Variants in ADAM18 observed in about 807,000 individuals in gnomAD.
ADAM18 encodes the protein disintegrin and metalloproteinase domain-containing protein 18.
A neutral mutation model predicts 94.4 loss-of-function variants in ADAM18; 117 were observed. The observed-to-expected ratio is 1.24, with a 90% CI of 1.07 to 1.45. The LOEUF (loss-of-function observed/expected upper bound fraction) is 1.45, where lower values mean the gene tolerates loss of function less well. Among genes scored for constraint, ADAM18 ranks in the 40% most tolerant of loss-of-function variants. ADAM18 has a pLI of 0.00. For synonymous variants in ADAM18, 327 were observed against 291.6 expected, an observed-to-expected ratio of 1.12 and a Z score of -1.24; for missense variants, 936 against 880.0, an observed-to-expected ratio of 1.06 and a Z score of -0.81.
intron 13 of ADAM18, among the ~76,000 whole-genome samples, chr8:39,664,487 C>T (rs1343359594): frequency 6.6e-6 from 1 of 152,052 alleles, no homozygotes; most frequent in African/African-American, 2.4e-5. Context: ...TGATTCTATT[C>T]TTTAGTGTTA....
chr8:39,604,484 T>C (rs375601161), intron 2 of ADAM18: 1 of 152,192 alleles, frequency 6.6e-6, no homozygotes, highest in Admixed American at 6.5e-5. Flanking sequence ...AGGTGAGGTC[T>C]GGTGAGAGGT....
intron 2 of ADAM18, 53 bp from the exon 3 acceptor site, chr8:39,606,254 T>C: frequency 1.0e-6 from 1 of 1,004,992 alleles, no homozygotes; most frequent in Non-Finnish European, 1.5e-6. Flanking sequence ...TATTGTTTTA[T>C]TTTATATATT....
intron 18 of ADAM18, among the ~76,000 whole-genome samples, chr8:39,722,207 GTGTGTGTGTGTATATA>G (rs1279338619): frequency 1.7e-3 from 130 of 76,408 alleles, no homozygotes; most frequent in African/African-American, 8.8e-3. Flanking sequence ...GTGTGTGTGT[GTGTGTGTGTGTATATA>G]TATATATATA....
chr8:39,589,646 G>A (rs1223271564), intron 2 of ADAM18, among the ~76,000 whole-genome samples: 4 of 151,148 alleles, frequency 2.6e-5, no homozygotes, highest in Non-Finnish European at 4.4e-5. Context: ...ACCAACATGG[G>A]TGTATGTATG....
chr8:39,664,215 A>G (rs1301154950), intron 13 of ADAM18, among the ~76,000 whole-genome samples: 1 of 152,170 alleles, frequency 6.6e-6, no homozygotes, highest in Non-Finnish European at 1.5e-5. Context: ...TTTGTTGCTG[A>G]ATAGTATTGC....
chr8:39,627,208 A>G (rs1819796495), intron 6 of ADAM18, among the ~76,000 whole-genome samples: 1 of 152,152 alleles, frequency 6.6e-6, no homozygotes, highest in African/African-American at 2.4e-5. Flanking sequence ...AAAAGGTTTA[A>G]TGGATTCACA....
intron 2 of ADAM18, among the ~76,000 whole-genome samples, chr8:39,588,714 A>C (rs1490901954): frequency 6.6e-6 from 1 of 152,154 alleles, no homozygotes; most frequent in African/African-American, 2.4e-5. Flanking sequence ...CTTCTTGCCA[A>C]AGACCATTGC....
chr8:39,586,834 T>C (rs1467111050), intron 2 of ADAM18, among the ~76,000 whole-genome samples: 1 of 152,086 alleles, frequency 6.6e-6, no homozygotes, highest in Non-Finnish European at 1.5e-5. Flanking sequence ...TTCTGTTTTT[T>C]CCCCAGATTT....
intron 2 of ADAM18, among the ~76,000 whole-genome samples, chr8:39,598,778 A>G (rs1458160930): frequency 6.6e-6 from 1 of 151,768 alleles, no homozygotes; most frequent in Non-Finnish European, 1.5e-5. Flanking sequence ...AAAAAAAAAA[A>G]AAAACAACAA....
intron 10 of ADAM18, among the ~76,000 whole-genome samples, chr8:39,644,431 G>A (rs1166969759): frequency 6.6e-6 from 1 of 152,096 alleles, no homozygotes; most frequent in Admixed American, 6.6e-5. Context: ...GGGACTGCAA[G>A]TGTGCATCAT....
At chr8:39,668,351 C>T (rs904419667) in intron 14 of ADAM18, among the ~76,000 whole-genome samples, 155 bp downstream of exon 14, 14 of 152,094 alleles carry the variant, frequency 9.2e-5, no homozygotes, top group Non-Finnish European at 1.0e-4. Context: ...TTAAGAGTAT[C>T]TGAGGTTTTC....
At chr8:39,627,899 G>T (rs1819818854) in intron 6 of ADAM18, among the ~76,000 whole-genome samples, 1 of 151,660 alleles carries the variant, frequency 6.6e-6, no homozygotes, top group Non-Finnish European at 1.5e-5. Flanking sequence ...TTTCTTCTAG[G>T]GCTGATCTAG....
At chr8:39,666,035 G>T (rs1820986011) in intron 13 of ADAM18, among the ~76,000 whole-genome samples, 1 of 151,708 alleles carries the variant, frequency 6.6e-6, no homozygotes, top group African/African-American at 2.4e-5. Context: ...AATTATCTCA[G>T]TTTTTTTTGT....
At chr8:39,586,899 A>G (rs942659970) in intron 2 of ADAM18, among the ~76,000 whole-genome samples, 2 of 152,026 alleles carry the variant, frequency 1.3e-5, no homozygotes, top group Non-Finnish European at 2.9e-5. Context: ...ATTTCTTACT[A>G]CTTGTCAAGA....
chr8:39,586,716 G>T (rs1451486032), intron 2 of ADAM18, among the ~76,000 whole-genome samples: 1 of 152,078 alleles, frequency 6.6e-6, no homozygotes, highest in East Asian at 1.9e-4. Context: ...GACAGAGCAA[G>T]ACTTCATCTC....
chr8:39,621,582 A>T (rs1421664647), intron 6 of ADAM18, among the ~76,000 whole-genome samples: 1 of 152,050 alleles, frequency 6.6e-6, no homozygotes, highest in East Asian at 1.9e-4. Context: ...ATATTATTTT[A>T]ATTTATTTAA....
At chr8:39,635,383 A>G (rs1301064075) in intron 7 of ADAM18, among the ~76,000 whole-genome samples, 1 of 152,212 alleles carries the variant, frequency 6.6e-6, no homozygotes, top group Non-Finnish European at 1.5e-5. Flanking sequence ...ATGTTCACTA[A>G]TGATATTGGT....
At chr8:39,622,817 A>G (rs1819652195) in intron 6 of ADAM18, among the ~76,000 whole-genome samples, 1 of 152,162 alleles carries the variant, frequency 6.6e-6, no homozygotes, top group Admixed American at 6.5e-5. Context: ...ACACACACTG[A>G]TGTTTGTAAA....
In ADAM18 at chr8:39,629,448, GCTTTCAAGAGGT is replaced by G. The variant is rs1563282068; in HGVS notation, c.588+19_588+30del. ...TAGTGGAAAAAGCTTTGGTAAGTATGCTTTCAAGAGGTCTTTCAAGAAGGAACTAAGTATGCT... is the reference window on the plus strand; with the variant it reads ...TAGTGGAAAAAGCTTTGGTAAGTATGCTTTCAAGAAGGAACTAAGTATGCT... On this transcript the variant is annotated intron_variant, in intron 7 of 19. Coordinates refer to ENST00000265707, the MANE Select transcript of ADAM18 (RefSeq NM_014237.3). 1.3e-6 allele frequency: 2 copies of G among 1,549,266 alleles called. No individual in the cohort carries two copies. The highest frequency in any genetic ancestry group is 3.8e-5 in the Admixed American group (2 of 52,970).
Sources: gnomAD v4.1 joint callset for allele counts (sites outside exome capture counted in the v4.1 genomes callset) on GRCh38, gnomAD v4.1.1 for gene constraint, MANE v1.5 for transcripts, NCBI Gene and HGNC (gene_info 2026-07-23, HGNC 2026-07-21) for gene names.